Variants in ARMC2 observed in about 807,000 individuals in gnomAD.
The protein encoded by ARMC2 is armadillo repeat-containing protein 2.
ARMC2 carries 67 observed loss-of-function variants against 90.3 expected under a neutral mutation model. The observed-to-expected ratio is 0.74, with a 90% confidence interval of 0.61 to 0.91. ARMC2 has a LOEUF of 0.91. Among genes scored for constraint, ARMC2 ranks in the 40% least tolerant of loss-of-function variants. ARMC2 has a pLI of 0.00. For missense variants in ARMC2, 920 were observed against 1,030.9 expected (o/e 0.89, Z 1.47); for synonymous variants, 393 against 393.0 (o/e 1.00, Z 0.00).
At chr6:108,884,338 T>C (rs1430654100) in intron 5 of ARMC2, among the ~76,000 whole-genome samples, 3 of 152,224 alleles carry the variant, frequency 2.0e-5, no homozygotes, top group African/African-American at 7.2e-5. Flanking sequence ...AATTAGAATC[T>C]GCATTTTTAT....
At chr6:108,904,512 T>G in intron 8 of ARMC2, 107 bp downstream of exon 8, 1 of 1,139,290 alleles carries the variant, frequency 8.8e-7, no homozygotes, top group South Asian at 2.1e-5. Flanking sequence ...GTGTATTTGT[T>G]TAGAATCTTG....
intron 5 of ARMC2, among the ~76,000 whole-genome samples, chr6:108,888,861 T>C (rs1369360967): frequency 1.3e-5 from 2 of 152,192 alleles, no homozygotes; most frequent in Admixed American, 6.5e-5. Context: ...TTGTTCCTTC[T>C]CTCCAAGTCT....
At chr6:108,939,380 C>G (rs935754438) in intron 12 of ARMC2, among the ~76,000 whole-genome samples, 1 of 152,104 alleles carries the variant, frequency 6.6e-6, no homozygotes, top group African/African-American at 2.4e-5. Context: ...GCGGAGTTCT[C>G]ACGGATGGGT....
At chr6:109,044,750 G>C in the ARMC2 span, among the ~76,000 whole-genome samples, 2 of 152,044 alleles carry the variant, frequency 1.3e-5, no homozygotes, top group South Asian at 4.2e-4. Flanking sequence ...TCAGCCGGGC[G>C]CAGTGGCTCA....
chr6:109,001,532 G>GTAAATGGTAAA, the ARMC2 span: 10 of 1,543,626 alleles, frequency 6.5e-6, no homozygotes, highest in African/African-American at 9.6e-5. Flanking sequence ...TGGTAAATTG[G>GTAAATGGTAAA]TGTTAAGGGA....
At chr6:108,894,911 C>T (rs928210621) in intron 6 of ARMC2, among the ~76,000 whole-genome samples, 7 of 150,914 alleles carry the variant, frequency 4.6e-5, no homozygotes, top group South Asian at 4.2e-4. Context: ...GGACTACAGG[C>T]GCCCGCCACC....
At chr6:108,904,465 T>C in intron 8 of ARMC2, 60 bp downstream of exon 8, 1 of 1,409,020 alleles carries the variant, frequency 7.1e-7, no homozygotes, top group South Asian at 1.4e-5. Context: ...TGTTTAATGC[T>C]TTATTTTTAA....
chr6:108,874,242 GA>G (rs1384114415), intron 4 of ARMC2, among the ~76,000 whole-genome samples: 1 of 152,180 alleles, frequency 6.6e-6, no homozygotes, highest in Non-Finnish European at 1.5e-5. Flanking sequence ...CAGTAGATTT[GA>G]AGATAGACAG....
chr6:108,875,001 C>T (rs1776798450), intron 4 of ARMC2, among the ~76,000 whole-genome samples: 1 of 152,080 alleles, frequency 6.6e-6, no homozygotes, highest in African/African-American at 2.4e-5. Flanking sequence ...GGAAAGGAAA[C>T]CTTGAGTCAT....
At chr6:108,992,297 G>A in the ARMC2 span, among the ~76,000 whole-genome samples, 1 of 151,414 alleles carries the variant, frequency 6.6e-6, no homozygotes, top group Non-Finnish European at 1.5e-5. Context: ...TATTTTTTTT[G>A]TGGAGACAGG....
the ARMC2 span, among the ~76,000 whole-genome samples, chr6:109,038,783 T>C: frequency 1.3e-5 from 2 of 152,110 alleles, no homozygotes; most frequent in African/African-American, 4.8e-5. Context: ...GTAACTCCAT[T>C]GTAGGGATCA....
the ARMC2 span, among the ~76,000 whole-genome samples, chr6:109,028,548 C>T: frequency 6.6e-6 from 1 of 152,124 alleles, no homozygotes; most frequent in Non-Finnish European, 1.5e-5. Flanking sequence ...AGTGGTCTTT[C>T]TTCCAGAGAC....
chr6:108,989,385 C>G, the ARMC2 span, among the ~76,000 whole-genome samples: 2 of 151,168 alleles, frequency 1.3e-5, no homozygotes, highest in African/African-American at 4.8e-5. Flanking sequence ...CTAGTACTTT[C>G]TCTCTCTCTA....
the ARMC2 span, among the ~76,000 whole-genome samples, chr6:108,990,452 C>G: frequency 6.6e-6 from 1 of 152,200 alleles, no homozygotes; most frequent in Non-Finnish European, 1.5e-5. Flanking sequence ...TCCCTCCTGC[C>G]TAGCTAGGAA....
chr6:108,926,992 CTGT>C (rs1321066390), intron 10 of ARMC2, among the ~76,000 whole-genome samples: 3 of 142,288 alleles, frequency 2.1e-5, no homozygotes, highest in Non-Finnish European at 3.0e-5. Flanking sequence ...CTTTTTGTTG[CTGT>C]TGTTATAAGG....
chr6:109,008,370 T>C, the ARMC2 span, among the ~76,000 whole-genome samples: 5 of 152,368 alleles, frequency 3.3e-5, 1 homozygote, highest in South Asian at 1.0e-3. Flanking sequence ...AGCGATACTG[T>C]AAGAGATTTT....
intron 1 of ARMC2, among the ~76,000 whole-genome samples, chr6:108,851,742 G>C (rs1391058651): frequency 6.6e-6 from 1 of 152,098 alleles, no homozygotes; most frequent in Non-Finnish European, 1.5e-5. Context: ...TTTGAGACCA[G>C]CCTGGACAAC....
chr6:108,888,719 C>A (rs1401034577), intron 5 of ARMC2, among the ~76,000 whole-genome samples: 1 of 152,150 alleles, frequency 6.6e-6, no homozygotes, highest in African/African-American at 2.4e-5. Context: ...GGTAGGCTTC[C>A]CCTGCTATCC....
the ARMC2 span, among the ~76,000 whole-genome samples, chr6:109,011,789 C>T: frequency 2.4e-4 from 37 of 151,976 alleles, no homozygotes; most frequent in African/African-American, 7.5e-4. Context: ...CCACCACACC[C>T]GGCTACTTTT....
Sources: gnomAD v4.1 joint callset for allele counts (sites outside exome capture counted in the v4.1 genomes callset) on GRCh38, gnomAD v4.1.1 for gene constraint, MANE v1.5 for transcripts, NCBI Gene and HGNC (gene_info 2026-07-23, HGNC 2026-07-21) for gene names.